Variants in PKNOX2 observed in about 807,000 individuals in gnomAD.
The protein encoded by PKNOX2 is homeobox protein PKNOX2.
A neutral mutation model predicts 53.1 loss-of-function variants in PKNOX2; 14 were observed. The ratio of observed to expected loss-of-function variants is 0.26; its 90% CI spans 0.17 to 0.41. The LOEUF (loss-of-function observed/expected upper bound fraction) is 0.41, where lower values mean the gene tolerates loss of function less well. Among genes scored for constraint, PKNOX2 ranks in the 10% least tolerant of loss-of-function variants. PKNOX2 has a pLI of 1.00. For synonymous variants in PKNOX2, 257 were observed against 242.8 expected, an observed-to-expected ratio of 1.06 and a Z score of -0.54; for missense variants, 496 against 602.8, an observed-to-expected ratio of 0.82 and a Z score of 1.85.
chr11:125,282,923 G>A (rs57922969), intron 2 of PKNOX2, among the ~76,000 whole-genome samples: 8,617 of 152,212 alleles, frequency 0.057, 786 homozygotes, highest in African/African-American at 0.19. Context: ...GTGCTGAGGC[G>A]GGTGGATCAC....
intron 2 of PKNOX2, among the ~76,000 whole-genome samples, chr11:125,319,241 A>G (rs1480622024): frequency 6.6e-6 from 1 of 152,228 alleles, no homozygotes; most frequent in Admixed American, 6.5e-5. Context: ...TAAGTTCACC[A>G]TCTTATAGGG....
intron 2 of PKNOX2, among the ~76,000 whole-genome samples, chr11:125,270,040 G>A (rs770422936): frequency 9.9e-5 from 15 of 152,120 alleles, no homozygotes; most frequent in African/African-American, 1.9e-4. Context: ...TTCCACCATC[G>A]CCTCTGCTCA....
intron 1 of PKNOX2, among the ~76,000 whole-genome samples, chr11:125,225,661 G>A (rs1422669715): frequency 6.6e-6 from 1 of 152,168 alleles, no homozygotes; most frequent in Non-Finnish European, 1.5e-5. Context: ...ATTATGCAGG[G>A]TTTCCAGTCT....
At chr11:125,386,417 A>T (rs192850916) in intron 6 of PKNOX2, among the ~76,000 whole-genome samples, 1 of 152,322 alleles carries the variant, frequency 6.6e-6, no homozygotes, top group East Asian at 1.9e-4. Context: ...ACTGAGTTGG[A>T]TGACATCTGA....
intron 2 of PKNOX2, among the ~76,000 whole-genome samples, chr11:125,304,423 C>T (rs1948287616): frequency 6.6e-6 from 1 of 152,218 alleles, no homozygotes; most frequent in African/African-American, 2.4e-5. Flanking sequence ...GAGGGGGTCC[C>T]CAGGAGCCAG....
At chr11:125,243,312 C>T (rs1264640302) in intron 2 of PKNOX2, among the ~76,000 whole-genome samples, 2 of 152,192 alleles carry the variant, frequency 1.3e-5, no homozygotes, top group East Asian at 1.9e-4. Flanking sequence ...GCCCAGAGGC[C>T]CTTCCCTCTC....
chr11:125,265,751 G>T (rs906267691), intron 2 of PKNOX2, among the ~76,000 whole-genome samples: 4 of 152,220 alleles, frequency 2.6e-5, no homozygotes, highest in African/African-American at 9.6e-5. Context: ...CTGCTTCACA[G>T]GGTTGGGTAA....
chr11:125,310,476 T>C (rs375340667), intron 2 of PKNOX2, among the ~76,000 whole-genome samples: 33 of 151,646 alleles, frequency 2.2e-4, no homozygotes, highest in African/African-American at 8.0e-4. Context: ...GCCTGTGAGA[T>C]AGAGTGAGAC....
chr11:125,231,192 G>A (rs1162068927), intron 1 of PKNOX2, among the ~76,000 whole-genome samples: 2 of 152,210 alleles, frequency 1.3e-5, no homozygotes, highest in Non-Finnish European at 2.9e-5. Context: ...TGCTCTCTGT[G>A]TCAGACCTAT....
intron 3 of PKNOX2, among the ~76,000 whole-genome samples, chr11:125,334,587 GT>G (rs200038202): frequency 0.11 from 14,184 of 131,536 alleles, 1,062 homozygotes; most frequent in African/African-American, 0.27. Flanking sequence ...TTAAGTTTTC[GT>G]TTTTTTTTTT....
At chr11:125,358,018 A>T (rs528558666) in intron 4 of PKNOX2, among the ~76,000 whole-genome samples, 1 of 152,114 alleles carries the variant, frequency 6.6e-6, no homozygotes, top group African/African-American at 2.4e-5. Flanking sequence ...TAGTTTCTGC[A>T]TTCATAAAAT....
chr11:125,341,128 G>A (rs1022333853), intron 3 of PKNOX2, among the ~76,000 whole-genome samples: 17 of 150,668 alleles, frequency 1.1e-4, no homozygotes, highest in Admixed American at 2.0e-4. Flanking sequence ...TTGGAAGGCC[G>A]AGGCAGGCAG....
rs889580215 is a variant in PKNOX2, at chr11:125,320,636, A to G, written c.-129-11183A>G. 3.9e-5 allele frequency among the ~76,000 whole-genome samples: 6 copies of G among 152,250 alleles called. No homozygotes were observed. In the East Asian group the frequency reaches 5.8e-4, roughly 15 times the overall value. Reference sequence around the variant, plus strand: ...TGGCTCCTCTATCCTCTGTTATTCCAGCTTGCTACTCTTAAAGAAACTGCT... The same window carrying G: ...TGGCTCCTCTATCCTCTGTTATTCCGGCTTGCTACTCTTAAAGAAACTGCT... On this transcript the variant is annotated intron_variant, in intron 2 of 12. Transcript: ENST00000298282.
At chr11:125,412,239 C>T (rs556409230) in intron 10 of PKNOX2, among the ~76,000 whole-genome samples, 3 of 152,180 alleles carry the variant, frequency 2.0e-5, no homozygotes, top group African/African-American at 7.2e-5. Flanking sequence ...GCCGCAGCCA[C>T]GCTCACCGTG....
intron 1 of PKNOX2, among the ~76,000 whole-genome samples, chr11:125,187,272 T>C (rs1447534836): frequency 6.6e-6 from 1 of 152,164 alleles, no homozygotes; most frequent in Non-Finnish European, 1.5e-5. Flanking sequence ...CTGATAGGGA[T>C]TTCTTTGAAT....
At chr11:125,384,898 C>G (rs909763260) in intron 5 of PKNOX2, among the ~76,000 whole-genome samples, 2 of 152,132 alleles carry the variant, frequency 1.3e-5, no homozygotes, top group Non-Finnish European at 2.9e-5. Context: ...CAGAGGGAAA[C>G]AGTGAGCAAA....
At chr11:125,185,457 A>G (rs1056283151) in intron 1 of PKNOX2, among the ~76,000 whole-genome samples, 2 of 152,108 alleles carry the variant, frequency 1.3e-5, no homozygotes, top group African/African-American at 4.8e-5. Flanking sequence ...TTCACCATAT[A>G]TATTTCCAAA....
intron 2 of PKNOX2, among the ~76,000 whole-genome samples, chr11:125,309,450 C>T (rs1448740694): frequency 6.8e-6 from 1 of 146,402 alleles, no homozygotes; most frequent in Non-Finnish European, 1.5e-5. Flanking sequence ...TGCAATGGTT[C>T]GATCTCAGCT....
intron 2 of PKNOX2, among the ~76,000 whole-genome samples, chr11:125,320,589 C>A (rs1356204762): frequency 6.6e-6 from 1 of 152,204 alleles, no homozygotes; most frequent in Non-Finnish European, 1.5e-5. Context: ...TGGCTGCAAG[C>A]ACCTCCTCCC....
Sources: allele counts gnomAD v4.1 joint callset (sites outside exome capture counted in the v4.1 genomes callset), GRCh38; gene constraint gnomAD v4.1.1; transcripts MANE v1.5; gene names NCBI Gene and HGNC (gene_info 2026-07-23, HGNC 2026-07-21).